Variants in KCNN3 observed in about 807,000 individuals in gnomAD.
The protein encoded by KCNN3 is small conductance calcium-activated potassium channel protein 3.
A neutral mutation model predicts 62.9 loss-of-function variants in KCNN3; 16 were observed. The ratio of observed to expected loss-of-function variants is 0.25; its 90% CI spans 0.17 to 0.39. The LOEUF (loss-of-function observed/expected upper bound fraction) is 0.39. KCNN3 is among the 10% of genes least tolerant of loss of function. KCNN3 has a pLI of 1.00. For synonymous variants in KCNN3, 370 were observed against 389.2 expected (o/e 0.95, Z 0.58); for missense variants, 599 against 949.4 (o/e 0.63, Z 4.85).
At chr1:154,717,523 G>C (rs968959878) in intron 5 of KCNN3, among the ~76,000 whole-genome samples, 1 of 151,284 alleles carries the variant, frequency 6.6e-6, no homozygotes, top group African/African-American at 2.4e-5. Context: ...CTGTTTTCCA[G>C]GATCAAGGAA....
intron 5 of KCNN3, among the ~76,000 whole-genome samples, chr1:154,716,585 G>A (rs1291319155): frequency 1.3e-5 from 2 of 152,200 alleles, no homozygotes; most frequent in Non-Finnish European, 2.9e-5. Context: ...TTTCATTGGC[G>A]CTGAAGTGAT....
intron 2 of KCNN3, among the ~76,000 whole-genome samples, chr1:154,814,524 G>A (rs888316133): frequency 6.6e-6 from 1 of 152,220 alleles, no homozygotes; most frequent in Non-Finnish European, 1.5e-5. Context: ...TCAGGGAAGG[G>A]GGACGATGGC....
chr1:154,867,764 G>GA (rs1279798324), intron 1 of KCNN3, among the ~76,000 whole-genome samples: 5 of 72,100 alleles, frequency 6.9e-5, no homozygotes, highest in Non-Finnish European at 1.0e-4. Context: ...CAAATAAATA[G>GA]AAAAACCCAA....
intron 1 of KCNN3, among the ~76,000 whole-genome samples, chr1:154,836,356 G>A (rs181523483): frequency 9.2e-5 from 14 of 152,300 alleles, no homozygotes; most frequent in African/African-American, 2.6e-4. Context: ...CCTGCCCCCC[G>A]TCTATTTTGC....
At chr1:154,762,771 C>T (rs1254982084) in intron 3 of KCNN3, among the ~76,000 whole-genome samples, 1 of 152,152 alleles carries the variant, frequency 6.6e-6, no homozygotes, top group Non-Finnish European at 1.5e-5. Context: ...TTTTCTGGAG[C>T]TTGCTCATGG....
At chr1:154,713,363 C>T in intron 7 of KCNN3, 101 bp downstream of exon 7, 1 of 915,422 alleles carries the variant, frequency 1.1e-6, no homozygotes, top group Non-Finnish European at 1.8e-6. Context: ...CTTGCCTGGT[C>T]CCGCGCTGTC....
chr1:154,735,637 G>A (rs567842399), intron 3 of KCNN3, among the ~76,000 whole-genome samples: 7 of 152,086 alleles, frequency 4.6e-5, no homozygotes, highest in South Asian at 2.1e-4. Context: ...CCAGGATTGC[G>A]TCTACCCCTG....
chr1:154,847,739 A>G (rs1274982148), intron 1 of KCNN3, among the ~76,000 whole-genome samples: 2 of 152,150 alleles, frequency 1.3e-5, no homozygotes, highest in East Asian at 3.9e-4. Context: ...CATCAAGTCA[A>G]GTCCATCATC....
At chr1:154,840,879 C>T (rs1571327634) in intron 1 of KCNN3, among the ~76,000 whole-genome samples, 1 of 152,248 alleles carries the variant, frequency 6.6e-6, no homozygotes, top group Non-Finnish European at 1.5e-5. Context: ...CTCCCCGGAT[C>T]CCCCAGGTCA....
At chr1:154,822,467 G>C (rs1039658258) in intron 1 of KCNN3, among the ~76,000 whole-genome samples, 33 of 152,342 alleles carry the variant, frequency 2.2e-4, no homozygotes, top group Non-Finnish European at 4.6e-4. Flanking sequence ...GATGTATTAT[G>C]TTTGTTATAC....
chr1:154,787,953 T>C (rs1649357511), intron 2 of KCNN3, among the ~76,000 whole-genome samples: 1 of 152,104 alleles, frequency 6.6e-6, no homozygotes, highest in South Asian at 2.1e-4. Context: ...CAGGATGAAG[T>C]TTAGATCTGA....
intron 3 of KCNN3, among the ~76,000 whole-genome samples, chr1:154,738,108 A>G (rs1408880061): frequency 2.0e-5 from 3 of 152,244 alleles, no homozygotes; most frequent in South Asian, 2.1e-4. Flanking sequence ...GAGTTTCTAG[A>G]TCAAAGGCTC....
At chr1:154,856,669 CATT>C (rs1652546547) in intron 1 of KCNN3, among the ~76,000 whole-genome samples, 1 of 152,178 alleles carries the variant, frequency 6.6e-6, no homozygotes, top group South Asian at 2.1e-4. Context: ...AGCAATATCT[CATT>C]AACTCTCATG....
intron 1 of KCNN3, among the ~76,000 whole-genome samples, chr1:154,849,034 C>T (rs1652201826): frequency 1.3e-5 from 2 of 152,336 alleles, no homozygotes; most frequent in South Asian, 4.1e-4. Context: ...CAAACCCCAT[C>T]TTTTCCTGGG....
chr1:154,799,649 C>T (rs1649872522), intron 2 of KCNN3, among the ~76,000 whole-genome samples: 1 of 152,154 alleles, frequency 6.6e-6, no homozygotes, highest in African/African-American at 2.4e-5. Flanking sequence ...AGGCTTAGCT[C>T]CTACTGAAAG....
intron 3 of KCNN3, among the ~76,000 whole-genome samples, chr1:154,766,420 ATATATAT>A (rs1648283678): frequency 2.6e-5 from 3 of 115,878 alleles, no homozygotes; most frequent in African/African-American, 3.0e-5. Context: ...CAGGCTTTAT[ATATATAT>A]ATATATATAT....
chr1:154,741,242 T>C (rs1238128700), intron 3 of KCNN3, among the ~76,000 whole-genome samples: 1 of 152,230 alleles, frequency 6.6e-6, no homozygotes, highest in Admixed American at 6.5e-5. Flanking sequence ...GCTCCCTCTG[T>C]CTCATAAATT....
chr1:154,783,086 G>A (rs1447719873), intron 2 of KCNN3, among the ~76,000 whole-genome samples: 7 of 151,814 alleles, frequency 4.6e-5, no homozygotes, highest in Admixed American at 2.6e-4. Flanking sequence ...GGTGGTGGGC[G>A]CCTGTAGTCC....
chr1:154,800,781 AC>A, intron 2 of KCNN3, among the ~76,000 whole-genome samples: 1 of 152,282 alleles, frequency 6.6e-6, no homozygotes, highest in East Asian at 1.9e-4. Flanking sequence ...ATGGTACCTC[AC>A]GCCTGTAATC....
Sources: gnomAD v4.1 joint callset for allele counts (sites outside exome capture counted in the v4.1 genomes callset) on GRCh38, gnomAD v4.1.1 for gene constraint, MANE v1.5 for transcripts, NCBI Gene and HGNC (gene_info 2026-07-23, HGNC 2026-07-21) for gene names.